The following OR51B5 variants were observed in gnomAD, a reference collection of about 807,000 sequenced individuals.
The protein encoded by OR51B5 is olfactory receptor family 51 subfamily B member 5.
For missense variants in OR51B5, 456 were observed against 374.6 expected, an observed-to-expected ratio of 1.22 and a Z score of -1.79; for synonymous variants, 186 against 144.8, an observed-to-expected ratio of 1.28 and a Z score of -2.04.
intron 1 of OR51B5, chr11:5,393,236 A>C (rs563598084): frequency 6.6e-6 from 1 of 152,208 alleles, no homozygotes; most frequent in Admixed American, 6.5e-5. Context: ...TGAATATTAT[A>C]ATTTGTGTTA....
At chr11:5,491,397 A>T (rs1426472353) in intron 1 of OR51B5, among the ~76,000 whole-genome samples, 1 of 152,186 alleles carries the variant, frequency 6.6e-6, no homozygotes, top group African/African-American at 2.4e-5. Flanking sequence ...GTGGAGGTAA[A>T]TTCATGCACA....
intron 1 of OR51B5, among the ~76,000 whole-genome samples, chr11:5,356,341 G>C (rs1411619124): frequency 6.6e-6 from 1 of 151,970 alleles, no homozygotes. Flanking sequence ...ACAAGACTCA[G>C]TAGCTGATTC....
At chr11:5,356,560 T>C (rs1321648525) in intron 1 of OR51B5, among the ~76,000 whole-genome samples, 1 of 144,398 alleles carries the variant, frequency 6.9e-6, no homozygotes, top group East Asian at 1.9e-4. Context: ...CTGCAGGATA[T>C]TATCCAGGAG....
chr11:5,441,323 G>A (rs148172421), intron 1 of OR51B5: 14 of 1,613,848 alleles, frequency 8.7e-6, no homozygotes, highest in African/African-American at 5.3e-5. Flanking sequence ...GCATAGAGAG[G>A]AAGTAGTACA....
At chr11:5,378,274 C>A (rs1483232652) in intron 1 of OR51B5, among the ~76,000 whole-genome samples, 2 of 152,100 alleles carry the variant, frequency 1.3e-5, no homozygotes, top group Non-Finnish European at 2.9e-5. Context: ...AATGCTGAAA[C>A]TGGATCCCTT....
intron 1 of OR51B5, among the ~76,000 whole-genome samples, chr11:5,408,362 TCCTC>T (rs1245384612): frequency 2.6e-5 from 1 of 38,398 alleles, no homozygotes; most frequent in Non-Finnish European, 8.8e-5. Context: ...CTTCCTCCCT[TCCTC>T]CCTCCCTCCC....
intron 1 of OR51B5, chr11:5,489,566 T>C: frequency 6.2e-7 from 1 of 1,614,082 alleles, no homozygotes; most frequent in Non-Finnish European, 8.5e-7. Flanking sequence ...TATGTGCTGG[T>C]GCCTCCTGTA....
intron 1 of OR51B5, among the ~76,000 whole-genome samples, chr11:5,439,453 GC>G (rs909426166): frequency 3.9e-5 from 6 of 152,220 alleles, no homozygotes; most frequent in African/African-American, 1.4e-4. Context: ...AAGACCTTGT[GC>G]CCCAGTGTCC....
intron 1 of OR51B5, among the ~76,000 whole-genome samples, chr11:5,478,769 A>AGATGAAATG (rs1289800151): frequency 1.3e-5 from 2 of 151,458 alleles, no homozygotes; most frequent in Non-Finnish European, 2.9e-5. Context: ...GAGCAATGGA[A>AGATGAAATG]GATGAAATGA....
intron 1 of OR51B5, among the ~76,000 whole-genome samples, chr11:5,405,554 T>C (rs1850046249): frequency 6.6e-6 from 1 of 152,218 alleles, no homozygotes; most frequent in African/African-American, 2.4e-5. Flanking sequence ...ACATTCTCTA[T>C]CTCTGCTGTA....
At chr11:5,504,371 A>C (rs1301632741) in intron 1 of OR51B5, among the ~76,000 whole-genome samples, 1 of 152,204 alleles carries the variant, frequency 6.6e-6, no homozygotes, top group Non-Finnish European at 1.5e-5. Flanking sequence ...GGTCTGAAGA[A>C]AGAGTACAAT....
At chr11:5,464,692 G>C (rs1185662883) in intron 1 of OR51B5, among the ~76,000 whole-genome samples, 1 of 151,530 alleles carries the variant, frequency 6.6e-6, no homozygotes, top group Non-Finnish European at 1.5e-5. Flanking sequence ...ATCATTGTTG[G>C]ACATTTGGGT....
At position 5,440,590 on chromosome 11, in the gene OR51B5, A is replaced by C. The variant is rs199606552; in HGVS notation, n.84+64979T>G. On this transcript the variant is annotated intron_variant and non_coding_transcript_variant, in intron 1 of 4. Coordinates refer to the OR51B5 transcript ENST00000415970. ...CTTCCTCAGGCCTGGGATTTATGGA[A>C]GAACTTGAGAATCCCTTTGCGGATC... 2.0e-5 allele frequency: 32 copies of C among 1,612,868 alleles called. No homozygotes were observed. The South Asian group carries it at 2.5e-4, about 13-fold the overall frequency.
At chr11:5,436,452 G>C (rs7112433) in intron 1 of OR51B5, among the ~76,000 whole-genome samples, 3 of 152,216 alleles carry the variant, frequency 2.0e-5, no homozygotes, top group South Asian at 2.1e-4. Context: ...AGACTCGCAA[G>C]GTGTCTCCTA....
At chr11:5,414,823 A>G (rs1188155538) in intron 1 of OR51B5, among the ~76,000 whole-genome samples, 1 of 152,214 alleles carries the variant, frequency 6.6e-6, no homozygotes, top group Non-Finnish European at 1.5e-5. Flanking sequence ...CACTTTAATA[A>G]TGGGAGACTT....
At chr11:5,353,315 G>A (rs989350868) in intron 1 of OR51B5, among the ~76,000 whole-genome samples, 9 of 152,140 alleles carry the variant, frequency 5.9e-5, no homozygotes, top group African/African-American at 2.2e-4. Context: ...GATGACCATT[G>A]TCTTGATAGT....
chr11:5,343,577 A>C, upstream of OR51B5: 2 of 654,622 alleles, frequency 3.1e-6, no homozygotes, highest in South Asian at 1.9e-5. Context: ...ACCACAGTGC[A>C]CAGTTCTACC....
At chr11:5,466,469 G>C (rs1346590209) in intron 1 of OR51B5, among the ~76,000 whole-genome samples, 2 of 152,044 alleles carry the variant, frequency 1.3e-5, no homozygotes, top group Admixed American at 1.3e-4. Flanking sequence ...TCAGTAATGT[G>C]GTTTCTGATA....
chr11:5,465,045 A>C (rs575476673), intron 1 of OR51B5, among the ~76,000 whole-genome samples: 1 of 151,982 alleles, frequency 6.6e-6, no homozygotes, highest in East Asian at 1.9e-4. Flanking sequence ...TCTCTACTAA[A>C]AATACAGAAA....
Sources: allele counts gnomAD v4.1 joint callset (sites outside exome capture counted in the v4.1 genomes callset), GRCh38; gene constraint gnomAD v4.1.1; transcripts MANE v1.5; gene names NCBI Gene and HGNC (gene_info 2026-07-23, HGNC 2026-07-21).